The following RGSL1 variants were observed in gnomAD, a reference collection of about 807,000 sequenced individuals.
RGSL1 encodes the protein regulator of G protein signaling protein-like.
Under a neutral mutation model 124.7 loss-of-function variants are expected in RGSL1, and 97 were observed. The ratio of observed to expected loss-of-function variants is 0.78; its 90% CI spans 0.66 to 0.92. The LOEUF (loss-of-function observed/expected upper bound fraction) is 0.92. RGSL1 is among the 40% of genes least tolerant of loss of function. The probability of loss-of-function intolerance (pLI) is 0.00; values close to 1 mark genes in which losing one functional copy is unlikely to be tolerated. For synonymous variants in RGSL1, 424 were observed against 438.1 expected (o/e 0.97, Z 0.40); for missense variants, 1,233 against 1,288.4 (o/e 0.96, Z 0.66).
At position 182,474,054 on chromosome 1, in the gene RGSL1, G is replaced by A; in HGVS notation, c.943G>A (p.Ala315Thr). 2 of 1,551,776 alleles carry A rather than the reference G, an allele frequency of 1.3e-6. No individual in the cohort carries two copies. Among genetic ancestry groups the A allele is most frequent in the Non-Finnish European group, 1.7e-6 (2 of 1,146,992 alleles). The change falls in exon 6 of 22, where the codon GCA becomes ACA. Residue 315 changes from alanine to threonine, a missense_variant. Coordinates refer to ENST00000294854, the MANE Select transcript of RGSL1 (RefSeq NM_001137669.2). ...TTCCCTGGAAAAGGATATGCATTAT[G>A]CAAAAATATCCAGCATGGAGAATAA... ...ISSLEKDMHYAKISSMENKAK... is the reference protein window; with the variant it reads ...ISSLEKDMHYTKISSMENKAK...
chr1:182,530,966 G>C (rs1313871741), intron 13 of RGSL1, 56 bp downstream of exon 13: 1 of 1,509,536 alleles, frequency 6.6e-7, no homozygotes, highest in South Asian at 1.3e-5. Context: ...CATCGTCTTG[G>C]GGGTAGGTTT....
rs371170790 is a variant in RGSL1 at position 182,523,621 on chromosome 1, T to C, written c.1931+1512T>C. Among the ~76,000 whole-genome samples the C allele has an allele frequency of 1.2e-4, 19 of 152,308 alleles. No individual in the cohort carries two copies. The South Asian group carries it at 3.9e-3, about 32-fold the overall frequency. ...GACATATCAGGGTCATATCATCTAG[T>C]TTCATGACTTCAGTTAAGACCAAGC... is the stretch of plus-strand genomic sequence containing the variant. On this transcript the variant is annotated intron_variant, in intron 10 of 21. Coordinates refer to ENST00000294854, the MANE Select transcript of RGSL1 (RefSeq NM_001137669.2).
In RGSL1 at chr1:182,528,909, G is replaced by C. The variant is rs571754134; in HGVS notation, c.2125+1137G>C. Among the ~76,000 whole-genome samples the C allele has an allele frequency of 2.0e-5, 3 of 152,312 alleles. No homozygotes were observed. The South Asian group carries it at 6.2e-4, about 32-fold the overall frequency. On this transcript the variant is annotated intron_variant, in intron 11 of 21. Coordinates refer to ENST00000294854, the MANE Select transcript of RGSL1 (RefSeq NM_001137669.2). ...CTTTCAGTCATGGTGGAAGGCACCT[G>C]TCTACAGGGTGGCAAGAGAGATAAT...
intron 4 of RGSL1, among the ~76,000 whole-genome samples, chr1:182,462,153 A>G (rs1453913910): frequency 6.6e-6 from 1 of 152,210 alleles, no homozygotes; most frequent in Non-Finnish European, 1.5e-5. Flanking sequence ...GATATTCATA[A>G]GATTATAAGC....
chr1:182,547,265 A>G (rs545702148), intron 15 of RGSL1, among the ~76,000 whole-genome samples: 2 of 152,358 alleles, frequency 1.3e-5, no homozygotes, highest in African/African-American at 4.8e-5. Flanking sequence ...CAGGCATAGG[A>G]AGTGTATTTA....
intron 15 of RGSL1, 66 bp from the exon 16 acceptor site, chr1:182,548,251 G>C (rs1189549987): frequency 2.6e-6 from 4 of 1,521,908 alleles, no homozygotes; most frequent in African/African-American, 1.4e-5. Flanking sequence ...AGTCTAGGCT[G>C]GGTGCCTTGT....
chr1:182,528,656 G>A (rs1658936153), intron 11 of RGSL1, among the ~76,000 whole-genome samples: 1 of 152,154 alleles, frequency 6.6e-6, no homozygotes, highest in South Asian at 2.1e-4. Context: ...GATTTCCTTT[G>A]ACTTCACGTC....
At position 182,540,352 on chromosome 1, in the gene RGSL1, T is replaced by C; in HGVS notation, c.2600T>C (p.Ile867Thr). 6.4e-7 allele frequency: 1 copy of C among 1,551,432 alleles called. No homozygotes were observed. The highest frequency in any genetic ancestry group is 8.7e-7 in the Non-Finnish European group (1 of 1,146,772). The change falls in exon 15 of 22, where the codon ATA becomes ACA. Residue 867 changes from isoleucine (I) to threonine (T), a missense_variant. Ile to Thr is a moderately conservative substitution (Grantham distance 89). Transcript: ENST00000294854. The part of the protein sequence containing the change: ...NGEITLVKRR[I>T]FGHRIITVNF... ...GAAATAACCCTTGTAAAGCGTCGTA[T>C]ATTTGGCCACAGGATTATCACTGTC...
Position 182,551,117 on chromosome 1 carries a change from C to T in RGSL1, c.2951C>T (p.Ala984Val), listed in dbSNP as rs1489301984. The change falls in exon 18 of 22, where the codon GCA (alanine) becomes GTA (valine). Residue 984 changes from alanine to valine, a missense_variant. Physicochemically the swap from Ala to Val is moderately conservative, Grantham distance 64 (BLOSUM62 0). Transcript: ENST00000294854. The part of the protein sequence containing the change: ...YFWKRFCFWK[A>V]TRSYLQYRGK... Reference sequence around the variant, plus strand: ...TCCCACAGGTTTTGTTTCTGGAAGGCAACCCGCTCTTACTTACAGTATAGG... The same window carrying T: ...TCCCACAGGTTTTGTTTCTGGAAGGTAACCCGCTCTTACTTACAGTATAGG... The T allele has an allele frequency of 6.4e-7, 1 of 1,551,636 alleles. No homozygotes were observed. The highest frequency in any genetic ancestry group is 2.4e-5 in the East Asian group (1 of 40,916).
At chr1:182,544,364 G>T (rs1471074816) in intron 15 of RGSL1, among the ~76,000 whole-genome samples, 1 of 151,958 alleles carries the variant, frequency 6.6e-6, no homozygotes, top group East Asian at 1.9e-4. Context: ...GGTCAGATAG[G>T]ATTCTTGATT....
Position 182,474,339 on chromosome 1 carries a change from C to G in RGSL1, c.1228C>G (p.Leu410Val), listed in dbSNP as rs1043211083. ...CCTCTGGCAGGACTTGCAGCATTTCCTCAGTGTCCTTCTGAATAACAAAAA... is the reference window on the plus strand; with the variant it reads ...CCTCTGGCAGGACTTGCAGCATTTCGTCAGTGTCCTTCTGAATAACAAAAA... ...LDLWQDLQHF[L>V]SVLLNNKKNG... The change falls in exon 6 of 22, where the codon CTC (leucine) becomes GTC (valine). Residue 410 changes from leucine to valine, a missense_variant. Physicochemically the swap from Leu to Val is conservative, Grantham distance 32. Transcript: ENST00000294854. 1.3e-6 allele frequency: 2 copies of G among 1,551,720 alleles called. No homozygotes were observed. Among genetic ancestry groups the G allele is most frequent in the Non-Finnish European group, 1.7e-6 (2 of 1,147,014 alleles).
rs910783935 is a variant in RGSL1, at chr1:182,530,504, G to C, written c.2243+143G>C. 14 of 666,234 alleles carry C rather than the reference G, an allele frequency of 2.1e-5. No homozygotes were observed. The African/African-American group carries it at 2.7e-4, about 13-fold the overall frequency. The allele number at this position is 666,234 out of a possible 1,614,324, so 41.3% of individuals were successfully genotyped here. The stretch of plus-strand genomic sequence containing the variant: ...CAAAATAAAAATTCAAACTTATCTT[G>C]AACTTTCCTACCTATCTATCTGACA... On this transcript the variant is annotated intron_variant, in intron 12 of 21. Transcript: ENST00000294854.
chr1:182,492,966 T>C, intron 8 of RGSL1, 56 bp from the exon 9 acceptor site: 1 of 1,222,084 alleles, frequency 8.2e-7, no homozygotes, highest in Non-Finnish European at 1.2e-6. Context: ...TATATGAATC[T>C]TTGAACCCAG....
At chr1:182,489,284 T>C (rs1655349520) in intron 8 of RGSL1, 82 bp downstream of exon 8, 2 of 1,241,958 alleles carry the variant, frequency 1.6e-6, no homozygotes, top group South Asian at 1.4e-5. Flanking sequence ...AATTATTTAC[T>C]AAGCGTCAGC....
In RGSL1 at chr1:182,493,003, G is replaced by C. The variant is rs1433415326; in HGVS notation, c.1718-19G>C. The C allele has an allele frequency of 2.7e-6, 4 of 1,492,026 alleles. No individual in the cohort carries two copies. In the Admixed American group the frequency reaches 7.9e-5, roughly 29 times the overall value. 92.4% of individuals were successfully genotyped at this position (1,492,026 alleles called of 1,614,324 possible). A position where few individuals can be genotyped will look rare whatever the true frequency, so the allele number is the denominator to read the frequency against. ...CTTTGGACAACTAAACTCTATCTCT[G>C]TTTTTCCTTACTTCACAGACATAAC... On this transcript the variant is annotated intron_variant, in intron 8 of 21. Transcript: ENST00000294854.
Position 182,532,741 on chromosome 1 carries a change from G to C in RGSL1, c.2444G>C (p.Arg815Pro). 1.9e-6 allele frequency: 3 copies of C among 1,550,860 alleles called. No homozygotes were observed. The highest frequency in any genetic ancestry group is 1.2e-5 in the South Asian group (1 of 84,026). The stretch of plus-strand genomic sequence containing the variant: ...AGATTTATGTTGAATCCTAGTAAGC[G>C]CCAGGAATTTGAAGACTATCTTCAC... ...YRRFMLNPSKRQEFEDYLHQE... is the reference protein window; with the variant it reads ...YRRFMLNPSKPQEFEDYLHQE... The change falls in exon 14 of 22, where the codon CGC becomes CCC. Residue 815 changes from arginine to proline, a missense_variant. By Grantham distance (103) the Arg-to-Pro change is moderately radical. Coordinates refer to ENST00000294854, the MANE Select transcript of RGSL1 (RefSeq NM_001137669.2).
chr1:182,515,496 A>G (rs145003942), intron 9 of RGSL1, among the ~76,000 whole-genome samples: 1 of 143,882 alleles, frequency 7.0e-6, no homozygotes, highest in East Asian at 2.2e-4. Context: ...CCCTATCATA[A>G]GCAGAGTGCA....
At chr1:182,450,123 T>C (rs1396207868), upstream of RGSL1, 1 of 1,551,584 alleles carries the variant, frequency 6.4e-7, no homozygotes, top group Non-Finnish European at 8.7e-7. Flanking sequence ...TGGGGGGTAA[T>C]TCTGCCCCTA....
intron 6 of RGSL1, among the ~76,000 whole-genome samples, chr1:182,484,932 C>A (rs1295918274): frequency 6.6e-6 from 1 of 152,128 alleles, no homozygotes; most frequent in Non-Finnish European, 1.5e-5. Flanking sequence ...GCTGTGGCTG[C>A]TTGCCCCTGG....
Sources: gnomAD v4.1 joint callset for allele counts (sites outside exome capture counted in the v4.1 genomes callset) on GRCh38, gnomAD v4.1.1 for gene constraint, MANE v1.5 for transcripts, NCBI Gene and HGNC (gene_info 2026-07-23, HGNC 2026-07-21) for gene names.